TRMT11: variants seen among roughly 807,000 people sequenced by gnomAD.
The protein encoded by TRMT11 is tRNA (guanine(10)-N(2))-methyltransferase TRMT11.
TRMT11 carries 53 observed loss-of-function variants against 62.8 expected under a neutral mutation model. The ratio of observed to expected loss-of-function variants is 0.84; its 90% confidence interval spans 0.68 to 1.06. The LOEUF (loss-of-function observed/expected upper bound fraction) is 1.06, where lower values mean the gene tolerates loss of function less well. TRMT11 is among the 50% of genes least tolerant of loss of function. The pLI is 0.00. For missense variants in TRMT11, 556 were observed against 553.4 expected, an observed-to-expected ratio of 1.00 and a Z score of -0.05; for synonymous variants, 188 against 190.3, an observed-to-expected ratio of 0.99 and a Z score of 0.10.
chr6:126,149,959 C>T (rs1778019277), intron 21 of TRMT11, among the ~76,000 whole-genome samples: 1 of 152,136 alleles, frequency 6.6e-6, no homozygotes, highest in Non-Finnish European at 1.5e-5. Context: ...TAGGAAAACC[C>T]AACCCTTACT....
At chr6:126,264,188 A>G in the TRMT11 span, among the ~76,000 whole-genome samples, 1 of 152,200 alleles carries the variant, frequency 6.6e-6, no homozygotes, top group African/African-American at 2.4e-5. Flanking sequence ...GAGAGTAAAC[A>G]GGAGTAAACT....
the TRMT11 span, among the ~76,000 whole-genome samples, chr6:126,220,158 A>C: frequency 6.6e-6 from 1 of 152,218 alleles, no homozygotes; most frequent in African/African-American, 2.4e-5. Context: ...CCTAGAAGTG[A>C]CACACTTGGG....
intron 17 of TRMT11, among the ~76,000 whole-genome samples, chr6:126,102,332 C>T (rs1777410694): frequency 6.6e-6 from 1 of 152,054 alleles, no homozygotes; most frequent in Non-Finnish European, 1.5e-5. Context: ...GGATTAAATT[C>T]CAAGACCTTA....
the TRMT11 span, among the ~76,000 whole-genome samples, chr6:126,222,633 T>C: frequency 3.3e-5 from 5 of 152,220 alleles, no homozygotes; most frequent in African/African-American, 1.2e-4. Flanking sequence ...ACTTGGACTT[T>C]ATTAGTATAT....
intron 21 of TRMT11, among the ~76,000 whole-genome samples, chr6:126,146,424 G>A (rs953086274): frequency 2.0e-5 from 3 of 152,084 alleles, no homozygotes; most frequent in East Asian, 1.9e-4. Flanking sequence ...TTCCTCTATC[G>A]AACTGATATT....
intron 21 of TRMT11, among the ~76,000 whole-genome samples, chr6:126,160,236 T>TCAC (rs1306229641): frequency 6.6e-6 from 1 of 152,158 alleles, no homozygotes; most frequent in East Asian, 1.9e-4. Context: ...AGGTCACAAT[T>TCAC]CACCTCACAA....
At chr6:126,034,533 T>C (rs1043186496) in intron 12 of TRMT11, among the ~76,000 whole-genome samples, 15 of 152,240 alleles carry the variant, frequency 9.9e-5, no homozygotes, top group African/African-American at 3.6e-4. Context: ...TAGTCAATAG[T>C]CTTAATATTT....
At chr6:126,153,963 C>T (rs571277638) in intron 21 of TRMT11, among the ~76,000 whole-genome samples, 13 of 152,132 alleles carry the variant, frequency 8.5e-5, no homozygotes, top group Non-Finnish European at 1.5e-5. Flanking sequence ...GTCATTCTCA[C>T]TGCATTGACA....
chr6:126,019,904 G>A (rs2127983371), intron 11 of TRMT11, among the ~76,000 whole-genome samples: 1 of 152,296 alleles, frequency 6.6e-6, no homozygotes, highest in South Asian at 2.1e-4. Context: ...ACTAGATGAG[G>A]TGAAATCTGA....
At position 126,179,403 on chromosome 6, in the gene TRMT11, T is replaced by C. The variant is rs114016376; in HGVS notation, n.143+2068T>C. On this transcript the variant is annotated intron_variant and non_coding_transcript_variant, in intron 1 of 3. Transcript: ENST00000444229. ...GCATAGTTATATATACATGCTCTGA[T>C]TGAACTTGTTTGAACCCATCAGAGT... 3.2e-3 allele frequency among the ~76,000 whole-genome samples: 489 copies of C among 152,308 alleles called. 1 individual carries two copies. Among genetic ancestry groups the C allele is most frequent in the African/African-American group, 9.7e-3 (403 of 41,570 alleles).
intron 17 of TRMT11, among the ~76,000 whole-genome samples, chr6:126,089,662 T>C (rs1200565828): frequency 6.6e-6 from 1 of 152,214 alleles, no homozygotes; most frequent in Non-Finnish European, 1.5e-5. Flanking sequence ...ATGAAATGCT[T>C]AACCTGAAAT....
At chr6:126,125,049 C>T (rs995118450) in intron 21 of TRMT11, among the ~76,000 whole-genome samples, 3 of 152,018 alleles carry the variant, frequency 2.0e-5, no homozygotes, top group African/African-American at 4.8e-5. Flanking sequence ...GCTCCATACT[C>T]GATCTCTGAT....
At chr6:126,128,384 G>A (rs1305280149) in intron 21 of TRMT11, among the ~76,000 whole-genome samples, 1 of 151,986 alleles carries the variant, frequency 6.6e-6, no homozygotes, top group Admixed American at 6.6e-5. Flanking sequence ...GCTAAATCTG[G>A]AAAATTCTGT....
intron 3 of TRMT11, among the ~76,000 whole-genome samples, chr6:125,996,319 C>T (rs1040599418): frequency 2.6e-5 from 4 of 152,144 alleles, no homozygotes; most frequent in Admixed American, 6.5e-5. Flanking sequence ...TATGTTCTTA[C>T]GCAGGATAGA....
At chr6:126,220,411 A>G in the TRMT11 span, among the ~76,000 whole-genome samples, 10 of 152,204 alleles carry the variant, frequency 6.6e-5, no homozygotes, top group Non-Finnish European at 1.3e-4. Flanking sequence ...TCAGATCTCT[A>G]TGTTATTTTT....
intron 17 of TRMT11, among the ~76,000 whole-genome samples, chr6:126,087,341 C>A (rs4392732): frequency 1.3e-5 from 2 of 152,106 alleles, no homozygotes; most frequent in Admixed American, 1.3e-4. Context: ...AAAAAAAATT[C>A]TAAACCAAGA....
the TRMT11 span, among the ~76,000 whole-genome samples, chr6:126,254,987 TA>T: frequency 6.6e-6 from 1 of 152,200 alleles, no homozygotes; most frequent in Admixed American, 6.5e-5. Context: ...CATATGATCA[TA>T]AATCAATTAT....
chr6:126,250,273 A>G, the TRMT11 span, among the ~76,000 whole-genome samples: 1 of 152,168 alleles, frequency 6.6e-6, no homozygotes, highest in African/African-American at 2.4e-5. Flanking sequence ...GTAGAGACAG[A>G]AGTAGAATTG....
At chr6:126,135,878 A>G (rs1029305599) in intron 21 of TRMT11, among the ~76,000 whole-genome samples, 3 of 151,942 alleles carry the variant, frequency 2.0e-5, no homozygotes, top group African/African-American at 7.2e-5. Context: ...AGAATCAAGG[A>G]CAAAATCCAT....
Sources: allele counts gnomAD v4.1 joint callset (sites outside exome capture counted in the v4.1 genomes callset), GRCh38; gene constraint gnomAD v4.1.1; transcripts MANE v1.5; gene names NCBI Gene and HGNC (gene_info 2026-07-23, HGNC 2026-07-21).